ATP11B: variants seen among roughly 807,000 people sequenced by gnomAD.
The protein encoded by ATP11B is ATPase phospholipid transporting 11B (putative).
In ATP11B, 81 loss-of-function variants were observed where a neutral mutation model predicts 157.8. The ratio of observed to expected loss-of-function variants is 0.51; its 90% CI spans 0.43 to 0.62. The LOEUF (loss-of-function observed/expected upper bound fraction) is 0.62, where lower values mean the gene tolerates loss of function less well. Ranked by LOEUF, ATP11B falls within the 20% of genes least tolerant of loss-of-function variation. The probability of loss-of-function intolerance (pLI) is 0.00; values close to 1 mark genes in which losing one functional copy is unlikely to be tolerated. For missense variants in ATP11B, 1,165 were observed against 1,402.2 expected (o/e 0.83, Z 2.70); for synonymous variants, 451 against 469.4 (o/e 0.96, Z 0.51).
At chr3:182,851,207 C>G (rs1719949352) in intron 10 of ATP11B, among the ~76,000 whole-genome samples, 1 of 152,136 alleles carries the variant, frequency 6.6e-6, no homozygotes, top group South Asian at 2.1e-4. Flanking sequence ...CAGAGAATTG[C>G]TTGAACCCAG....
intron 8 of ATP11B, among the ~76,000 whole-genome samples, chr3:182,845,025 A>G (rs1272642514): frequency 7.5e-5 from 9 of 120,208 alleles, no homozygotes; most frequent in African/African-American, 2.8e-4. Context: ...TATTTTTGAG[A>G]TGGAGTCTCA....
At chr3:182,830,615 C>A (rs979388305) in intron 4 of ATP11B, among the ~76,000 whole-genome samples, 2 of 152,052 alleles carry the variant, frequency 1.3e-5, no homozygotes, top group Non-Finnish European at 2.9e-5. Flanking sequence ...TTTTCTCAGG[C>A]AAATGTGAAT....
chr3:182,897,598 T>G (rs578232865), intron 27 of ATP11B, among the ~76,000 whole-genome samples, 192 bp downstream of exon 27: 1 of 152,070 alleles, frequency 6.6e-6, no homozygotes, highest in South Asian at 2.1e-4. Context: ...TTTTCTAGAT[T>G]TTTTTTATAT....
At chr3:182,812,218 C>T (rs1013231465) in intron 1 of ATP11B, among the ~76,000 whole-genome samples, 2 of 152,072 alleles carry the variant, frequency 1.3e-5, no homozygotes, top group African/African-American at 4.8e-5. Flanking sequence ...GACTGTGTCT[C>T]CAGCCTATTT....
At chr3:182,839,907 C>G (rs1220724428) in intron 7 of ATP11B, among the ~76,000 whole-genome samples, 1 of 152,166 alleles carries the variant, frequency 6.6e-6, no homozygotes, top group African/African-American at 2.4e-5. Flanking sequence ...GCCACCCCGC[C>G]CAGCCTAATA....
At chr3:182,902,666 A>T in intron 28 of ATP11B, 1 of 627,590 alleles carries the variant, frequency 1.6e-6, no homozygotes. Context: ...AGAGCGGGGC[A>T]TTTTTGTTAG....
At chr3:182,872,002 A>G (rs1480819875) in intron 17 of ATP11B, among the ~76,000 whole-genome samples, 2 of 152,082 alleles carry the variant, frequency 1.3e-5, no homozygotes, top group Non-Finnish European at 2.9e-5. Context: ...TTTTTAGTAG[A>G]GACTGGGTTT....
chr3:182,913,815 G>T (rs745420223), intron 28 of ATP11B, 46 bp from the exon 29 acceptor site: 11 of 1,613,590 alleles, frequency 6.8e-6, no homozygotes, highest in Non-Finnish European at 9.3e-6. Context: ...CTTTTCAGAA[G>T]TCCATATCTT....
At position 182,879,603 on chromosome 3, in the gene ATP11B, G is replaced by A. The variant is rs1408929790; in HGVS notation, c.2360G>A (p.Cys787Tyr). The change falls in exon 20 of 30, where the codon TGT (cysteine) becomes TAT (tyrosine). Residue 787 changes from cysteine (C) to tyrosine (Y), a missense_variant. Physicochemically the swap from Cys to Tyr is radical, Grantham distance 194. Coordinates refer to ENST00000323116, the MANE Select transcript of ATP11B (RefSeq NM_014616.3). The stretch of plus-strand genomic sequence containing the variant: ...CTATTTATGGAAGTTTGCAGAAATT[G>A]TTCAGCTGTATTATGCTGTCGTATG... ...EKLFMEVCRN[C>Y]SAVLCCRMAP... 1.1e-5 allele frequency: 18 copies of A among 1,614,080 alleles called. No homozygotes were observed. Among genetic ancestry groups the A allele is most frequent in the Non-Finnish European group, 1.5e-5 (18 of 1,179,968 alleles).
intron 1 of ATP11B, among the ~76,000 whole-genome samples, chr3:182,794,440 G>A (rs1715470815): frequency 6.6e-6 from 1 of 152,178 alleles, no homozygotes; most frequent in East Asian, 1.9e-4. Context: ...CGAACGATAC[G>A]TACTGTCGTT....
At chr3:182,841,316 A>G (rs1718996740) in intron 7 of ATP11B, among the ~76,000 whole-genome samples, 1 of 152,194 alleles carries the variant, frequency 6.6e-6, no homozygotes, top group African/African-American at 2.4e-5. Context: ...CTCTCCCACT[A>G]GAATGTAAAC....
In ATP11B at chr3:182,880,386, A is replaced by G. The variant is rs112105391; in HGVS notation, c.2407-493A>G. ...CTAAAACTGGAGACCAAACAGAGCA[A>G]ATACCCAGGTTCTTTATAAAAGTAC... On this transcript the variant is annotated intron_variant, in intron 20 of 29. Coordinates refer to ENST00000323116, the MANE Select transcript of ATP11B (RefSeq NM_014616.3). Among the ~76,000 whole-genome samples, 1,165 of 152,296 alleles carry G rather than the reference A, an allele frequency of 7.6e-3. 18 individuals carry two copies. Among genetic ancestry groups the G allele is most frequent in the African/African-American group, 0.027 (1,114 of 41,566 alleles).
intron 2 of ATP11B, among the ~76,000 whole-genome samples, chr3:182,821,248 A>G (rs1306107235): frequency 6.6e-6 from 1 of 152,088 alleles, no homozygotes; most frequent in East Asian, 1.9e-4. Context: ...AGCTGGGATT[A>G]CAGGTACCTG....
At position 182,920,917 on chromosome 3, in the gene ATP11B, T is replaced by A. The variant is rs1354098281; in HGVS notation, c.*2813T>A. 1 of 152,250 alleles carries A rather than the reference T, an allele frequency of 6.6e-6. No individual in the cohort carries two copies. The highest frequency in any genetic ancestry group is 1.5e-5 in the Non-Finnish European group (1 of 68,062). The allele number at this position is 152,250 out of a possible 1,614,324, so 9.4% of individuals were successfully genotyped here. A position where few individuals can be genotyped will look rare whatever the true frequency, so the allele number is the denominator to read the frequency against. ...CCTGAGCCACACCCAGGCCCTATCC[T>A]GAACAGGAGACTAAACAGAGGCAAA... On this transcript the variant is annotated 3_prime_UTR_variant, in exon 30 of 30. Coordinates refer to ENST00000323116, the MANE Select transcript of ATP11B (RefSeq NM_014616.3).
rs1577086057 is a variant in ATP11B, at chr3:182,891,912, T to C, written c.2982+2364T>C. The stretch of plus-strand genomic sequence containing the variant: ...GAAAAGGCACATAATCCCCACCTTA[T>C]AGGTTTGATGTGAGGATTAAATGAC... On this transcript the variant is annotated intron_variant, in intron 25 of 29. Transcript: ENST00000323116. Among the ~76,000 whole-genome samples the C allele has an allele frequency of 2.6e-5, 4 of 152,352 alleles. 1 individual carries two copies. The highest frequency in any genetic ancestry group is 3.4e-3 in the Middle Eastern group (1 of 294).
chr3:182,843,985 A>G (rs549425612), intron 8 of ATP11B: 2 of 152,188 alleles, frequency 1.3e-5, no homozygotes, highest in Admixed American at 1.3e-4. Context: ...TTTGATTTTT[A>G]TAGGGAAATA....
chr3:182,900,945 G>T (rs904540043), intron 28 of ATP11B, among the ~76,000 whole-genome samples: 3 of 151,898 alleles, frequency 2.0e-5, no homozygotes, highest in African/African-American at 7.3e-5. Context: ...ACTTTGGGAG[G>T]CCGAGGCAGG....
chr3:182,835,877 A>G (rs1233930830), intron 4 of ATP11B, among the ~76,000 whole-genome samples, 158 bp from the exon 5 acceptor site: 3 of 152,198 alleles, frequency 2.0e-5, no homozygotes, highest in Non-Finnish European at 4.4e-5. Context: ...TTCCAGTAGG[A>G]ACAAATATCA....
intron 9 of ATP11B, among the ~76,000 whole-genome samples, chr3:182,847,497 CTAT>C (rs1719626363): frequency 6.6e-6 from 1 of 152,158 alleles, no homozygotes; most frequent in Non-Finnish European, 1.5e-5. Flanking sequence ...CCACCTCTCC[CTAT>C]TGGATCATTC....
Sources: gnomAD v4.1 joint callset for allele counts (sites outside exome capture counted in the v4.1 genomes callset) on GRCh38, gnomAD v4.1.1 for gene constraint, MANE v1.5 for transcripts, NCBI Gene and HGNC (gene_info 2026-07-23, HGNC 2026-07-21) for gene names.